Variants in SPTLC2 observed in about 807,000 individuals in gnomAD.
SPTLC2 encodes serine palmitoyltransferase long chain base subunit 2.
In SPTLC2, 21 loss-of-function variants were observed where a neutral mutation model predicts 62.0. The ratio of observed to expected loss-of-function variants is 0.34; its 90% CI spans 0.24 to 0.49. SPTLC2 has a LOEUF of 0.49. Ranked by LOEUF, SPTLC2 falls within the 20% of genes least tolerant of loss-of-function variation. The probability of loss-of-function intolerance (pLI) is 0.99; values close to 1 mark genes in which losing one functional copy is unlikely to be tolerated. For missense variants in SPTLC2, 511 were observed against 713.0 expected (o/e 0.72, Z 3.23); for synonymous variants, 261 against 261.8 (o/e 1.00, Z 0.03).
At chr14:77,555,180 C>G (rs1566778443) in intron 8 of SPTLC2, 120 bp downstream of exon 8, 3 of 1,091,734 alleles carry the variant, frequency 2.7e-6, no homozygotes, top group East Asian at 4.7e-5. Flanking sequence ...GTATTATGAG[C>G]CTAAACCAGA....
intron 9 of SPTLC2, among the ~76,000 whole-genome samples, chr14:77,522,209 G>A (rs751233120): frequency 4.6e-5 from 7 of 151,782 alleles, no homozygotes; most frequent in Middle Eastern, 3.2e-3. Context: ...TGTCGCCCAG[G>A]CTGGAGTGCA....
chr14:77,534,518 T>C (rs1203211566), intron 9 of SPTLC2, among the ~76,000 whole-genome samples: 1 of 150,364 alleles, frequency 6.7e-6, no homozygotes, highest in East Asian at 2.0e-4. Flanking sequence ...TCTAACTTTA[T>C]GATATAAAAA....
intron 1 of SPTLC2, among the ~76,000 whole-genome samples, chr14:77,605,212 T>TCTAAAACCCAG (rs1165746257): frequency 6.6e-6 from 1 of 151,970 alleles, no homozygotes; most frequent in African/African-American, 2.4e-5. Flanking sequence ...GGTTTCCCTA[T>TCTAAAACCCAG]GTTGCCCAGG....
intron 2 of SPTLC2, among the ~76,000 whole-genome samples, chr14:77,589,983 A>G (rs12434586): frequency 7.1e-6 from 1 of 141,724 alleles, no homozygotes. Context: ...GTCTCAAAAA[A>G]AAAAAAAAAA....
chr14:77,567,346 C>T (rs959978858), intron 5 of SPTLC2, among the ~76,000 whole-genome samples: 4 of 152,188 alleles, frequency 2.6e-5, no homozygotes, highest in Non-Finnish European at 4.4e-5. Flanking sequence ...TGTAAGCATA[C>T]AGAGAGAAGA....
chr14:77,522,331 T>C (rs1406558141), intron 9 of SPTLC2, among the ~76,000 whole-genome samples: 4 of 152,106 alleles, frequency 2.6e-5, no homozygotes, highest in East Asian at 3.9e-4. Flanking sequence ...CCCAGCTAAC[T>C]TTTGTATTTT....
At chr14:77,588,599 G>A (rs1196639320) in intron 2 of SPTLC2, among the ~76,000 whole-genome samples, 1 of 152,084 alleles carries the variant, frequency 6.6e-6, no homozygotes, top group African/African-American at 2.4e-5. Context: ...AAGAAGCTGA[G>A]GTGGGAGAAT....
intron 9 of SPTLC2, among the ~76,000 whole-genome samples, chr14:77,538,160 T>A (rs186540060): frequency 3.9e-5 from 6 of 152,374 alleles, no homozygotes; most frequent in Admixed American, 2.0e-4. Context: ...TCTACGATGC[T>A]ATGAACTTTC....
intron 7 of SPTLC2, among the ~76,000 whole-genome samples, chr14:77,555,977 T>C (rs2079581278): frequency 6.6e-6 from 1 of 151,908 alleles, no homozygotes; most frequent in Non-Finnish European, 1.5e-5. Context: ...CTGACAAAGG[T>C]AGATGAAGCC....
At chr14:77,540,398 C>T (rs1466439298) in intron 9 of SPTLC2, among the ~76,000 whole-genome samples, 1 of 152,118 alleles carries the variant, frequency 6.6e-6, no homozygotes, top group African/African-American at 2.4e-5. Flanking sequence ...AAGAGGAAGG[C>T]ACAGCAGCCC....
chr14:77,587,618 T>G (rs1055629422), intron 2 of SPTLC2, among the ~76,000 whole-genome samples: 18 of 151,802 alleles, frequency 1.2e-4, no homozygotes, highest in African/African-American at 4.4e-4. Context: ...ATACAAAAAA[T>G]TAACCGGGTG....
chr14:77,605,826 A>G (rs1260496860), intron 1 of SPTLC2, among the ~76,000 whole-genome samples: 5 of 152,246 alleles, frequency 3.3e-5, no homozygotes, highest in Non-Finnish European at 5.9e-5. Flanking sequence ...TGCTTAGCAG[A>G]TAAAGCTAGA....
chr14:77,565,474 T>C lies in SPTLC2; in HGVS notation c.757-2985A>G, dbSNP rs1374360824. 2.6e-5 allele frequency among the ~76,000 whole-genome samples: 4 copies of C among 152,290 alleles called. No homozygotes were observed. In the East Asian group the frequency reaches 5.8e-4, roughly 22 times the overall value. ...CGATTAAGATTTACATCATCAGTAA[T>C]ATGTATCAAAACCACATAGTCTCTC... On this transcript the variant is annotated intron_variant, in intron 5 of 11. Transcript: ENST00000216484.
At chr14:77,572,088 G>A (rs115418802) in intron 4 of SPTLC2, among the ~76,000 whole-genome samples, 2,220 of 152,240 alleles carry the variant, frequency 0.015, 65 homozygotes, top group African/African-American at 0.05. Context: ...GCATCCAGCC[G>A]AGCACTTTAT....
intron 4 of SPTLC2, among the ~76,000 whole-genome samples, chr14:77,575,614 C>T (rs1257191165): frequency 6.6e-6 from 1 of 151,912 alleles, no homozygotes; most frequent in Non-Finnish European, 1.5e-5. Context: ...TCACTGCAGC[C>T]TCAAACTCCT....
At chr14:77,597,921 C>A (rs530948617) in intron 1 of SPTLC2, among the ~76,000 whole-genome samples, 2 of 151,618 alleles carry the variant, frequency 1.3e-5, no homozygotes, top group East Asian at 3.9e-4. Flanking sequence ...GTTGGGAGTT[C>A]AAGCCCAGCC....
intron 9 of SPTLC2, among the ~76,000 whole-genome samples, chr14:77,549,460 T>C (rs2140015369): frequency 6.6e-6 from 1 of 152,282 alleles, no homozygotes; most frequent in South Asian, 2.1e-4. Flanking sequence ...AAAAGATACA[T>C]GCATGAAGGT....
chr14:77,611,339 T>C (rs2079935839), intron 1 of SPTLC2, among the ~76,000 whole-genome samples: 1 of 150,292 alleles, frequency 6.7e-6, no homozygotes, highest in African/African-American at 2.4e-5. Flanking sequence ...GGTGCACACC[T>C]GTGGACCCAG....
intron 2 of SPTLC2, among the ~76,000 whole-genome samples, chr14:77,591,694 G>GTATC (rs1566789606): frequency 1.4e-5 from 1 of 69,202 alleles, no homozygotes; most frequent in Non-Finnish European, 2.9e-5. Context: ...GTGCTCTTCT[G>GTATC]TATGTATGTA....
Sources: gnomAD v4.1 joint callset for allele counts (sites outside exome capture counted in the v4.1 genomes callset) on GRCh38, gnomAD v4.1.1 for gene constraint, MANE v1.5 for transcripts, NCBI Gene and HGNC (gene_info 2026-07-23, HGNC 2026-07-21) for gene names.